The following DES variants were observed in gnomAD, a reference collection of about 807,000 sequenced individuals.
DES encodes the protein cardiomyopathy, dilated 1F (autosomal dominant).
In DES, 34 loss-of-function variants were observed where a neutral mutation model predicts 55.1. The ratio of observed to expected loss-of-function variants is 0.62; its 90% confidence interval spans 0.47 to 0.82. The LOEUF is 0.82. Among genes scored for constraint, DES ranks in the 40% least tolerant of loss-of-function variants. The probability of loss-of-function intolerance (pLI) is 0.00; values close to 1 mark genes in which losing one functional copy is unlikely to be tolerated. For synonymous variants in DES, 259 were observed against 270.8 expected (o/e 0.96, Z 0.43); for missense variants, 596 against 645.9 (o/e 0.92, Z 0.84).
chr2:219,421,323 T>A lies in DES; in HGVS notation c.1024-17T>A, dbSNP rs756252550. The A allele has an allele frequency of 1.9e-6, 3 of 1,613,782 alleles. No homozygotes were observed. Among genetic ancestry groups the A allele is most frequent in the Non-Finnish European group, 2.5e-6 (3 of 1,179,764 alleles). ...GTCCTCTTCCCTTCCTTGACCTGGGTTCCCCCTCTCCTGCAGAACGATTCC... is the reference window on the plus strand; with the variant it reads ...GTCCTCTTCCCTTCCTTGACCTGGGATCCCCCTCTCCTGCAGAACGATTCC... On this transcript the variant is annotated splice_polypyrimidine_tract_variant and intron_variant, in intron 5 of 8. Coordinates refer to ENST00000373960, the MANE Select transcript of DES (RefSeq NM_001927.4).
chr2:219,422,358 A>G (rs1954460700), intron 6 of DES, among the ~76,000 whole-genome samples: 1 of 152,114 alleles, frequency 6.6e-6, no homozygotes, highest in African/African-American at 2.4e-5. Context: ...GGAGGAAAAG[A>G]CACAGACGTC....
Position 219,418,944 on chromosome 2 carries a change from A to C in DES, c.482A>C (p.Glu161Ala). The C allele has an allele frequency of 6.4e-7, 1 of 1,556,918 alleles. No homozygotes were observed. The highest frequency in any genetic ancestry group is 8.7e-7 in the Non-Finnish European group (1 of 1,150,356). The change falls in exon 1 of 9, where the codon GAG becomes GCG. Residue 161 changes from glutamate to alanine, a missense_variant. Glu to Ala is a moderately radical substitution (Grantham distance 107). Coordinates refer to ENST00000373960, the MANE Select transcript of DES (RefSeq NM_001927.4). ...GAGCTCTACGAGGAGGAGCTGCGGG[A>C]GCTGCGGCGCCAGGTGGAGGTGCTC... is the stretch of plus-strand genomic sequence containing the variant. ...VAELYEEELR[E>A]LRRQVEVLTN... is the part of the protein sequence containing the mutation.
chr2:219,418,419 G>T lies in DES; in HGVS notation c.-44G>T, dbSNP rs184826121. On this transcript the variant is annotated 5_prime_UTR_variant, in exon 1 of 9. Transcript: ENST00000373960. ...CCACTCTCCGGCCGGCCGCCTGCCC[G>T]CCGCCTCCTCCGTGCGCCCGCCAGC... The T allele has an allele frequency of 1.3e-6, 2 of 1,529,318 alleles. No individual in the cohort carries two copies. Among genetic ancestry groups the T allele is most frequent in the South Asian group, 2.4e-5 (2 of 83,722 alleles). 94.7% of individuals were successfully genotyped at this position (1,529,318 alleles called of 1,614,324 possible). A position where few individuals can be genotyped will look rare whatever the true frequency, so the allele number is the denominator to read the frequency against.
chr2:219,425,324 TG>T, intron 7 of DES: 1 of 356,596 alleles, frequency 2.8e-6, no homozygotes, highest in Non-Finnish European at 5.4e-6. Context: ...TCCTGGGGCC[TG>T]GGGGTGGAGA....
chr2:219,420,239 G>A lies in DES; in HGVS notation c.640-12G>A, dbSNP rs1954409619. The A allele has an allele frequency of 6.2e-7, 1 of 1,614,032 alleles. No individual in the cohort carries two copies. The highest frequency in any genetic ancestry group is 8.5e-7 in the Non-Finnish European group (1 of 1,180,014). ...GGCGGTGACCATGTCCTTCTCGCTT[G>A]GCCTCTCCCAGGACGTGGATGCAGC... On this transcript the variant is annotated splice_polypyrimidine_tract_variant and intron_variant, in intron 2 of 8. Transcript: ENST00000373960. This position sits in a 1 kb window ranked among gnomAD's most constrained non-coding sequence, Gnocchi z 6.0.
chr2:219,425,482 C>G (rs905510472), intron 7 of DES, 181 bp from the exon 8 acceptor site: 11 of 638,998 alleles, frequency 1.7e-5, no homozygotes, highest in Non-Finnish European at 3.1e-5. Flanking sequence ...ACTGCAGAAC[C>G]ACCTGCTGGG....
At position 219,420,002 on chromosome 2, in the gene DES, C is replaced by T; in HGVS notation, c.579-93C>T. On this transcript the variant is annotated intron_variant, in intron 1 of 8. Coordinates refer to ENST00000373960, the MANE Select transcript of DES (RefSeq NM_001927.4). This position sits in a 1 kb window ranked among gnomAD's most constrained non-coding sequence, Gnocchi z 6.0. ...CAGCAGCCAGGCCCTCCCGCTCTGT[C>T]CTGGACCCACCCCCTGGTCAGCCCC... 7.2e-7 allele frequency: 1 copy of T among 1,392,112 alleles called. No homozygotes were observed. Among genetic ancestry groups the T allele is most frequent in the Non-Finnish European group, 1.0e-6 (1 of 980,576 alleles). 86.2% of individuals were successfully genotyped at this position (1,392,112 alleles called of 1,614,324 possible).
Position 219,418,713 on chromosome 2 carries a change from G to C in DES, c.251G>C (p.Gly84Ala). The C allele has an allele frequency of 6.4e-7, 1 of 1,564,262 alleles. No individual in the cohort carries two copies. Among genetic ancestry groups the C allele is most frequent in the Non-Finnish European group, 8.7e-7 (1 of 1,154,110 alleles). ...ACCACCCGCACGCCCTCCTCCTACGGCGCAGGCGAGCTGCTGGACTTCTCA... is the reference window on the plus strand; with the variant it reads ...ACCACCCGCACGCCCTCCTCCTACGCCGCAGGCGAGCTGCTGGACTTCTCA... ...LGTTRTPSSY[G>A]AGELLDFSLA... Residue 84 changes from glycine (G) to alanine (A), a missense_variant, in exon 1 of 9, where the codon GGC becomes GCC. Transcript: ENST00000373960.
intron 6 of DES, 114 bp downstream of exon 6, chr2:219,421,674 T>C: frequency 9.5e-7 from 1 of 1,050,168 alleles, no homozygotes; most frequent in Non-Finnish European, 1.4e-6. Context: ...AAACAATTTT[T>C]TTTTTTTTTG....
In DES at chr2:219,420,613, C is replaced by T. The variant is rs1368507241; in HGVS notation, c.854C>T (p.Ala285Val). The T allele has an allele frequency of 2.5e-6, 4 of 1,613,880 alleles. No homozygotes were observed. The highest frequency in any genetic ancestry group is 1.3e-5 in the African/African-American group (1 of 74,844). The change falls in exon 4 of 9, where the codon GCG becomes GTG. Residue 285 changes from alanine to valine, a missense_variant. Transcript: ENST00000373960. The surrounding 1 kb of genome is among the most constrained non-coding windows in gnomAD (Gnocchi z 6.0). Reference protein sequence around the residue: ...RDIRAQYETIAAKNISEAEEW... With the variant: ...RDIRAQYETIVAKNISEAEEW... ...ATCCGGGCTCAGTATGAGACCATCG[C>T]GGCTAAGAACATTTCTGAAGCTGAG...
At position 219,419,137 on chromosome 2, in the gene DES, CG is replaced by C. The variant is rs1431766980; in HGVS notation, c.578+101del. 4 of 1,529,456 alleles carry C rather than the reference CG, an allele frequency of 2.6e-6. No homozygotes were observed. The highest frequency in any genetic ancestry group is 1.4e-5 in the African/African-American group (1 of 72,840). The allele number at this position is 1,529,456 out of a possible 1,614,324, so 94.7% of individuals were successfully genotyped here. On this transcript the variant is annotated intron_variant, in intron 1 of 8. Coordinates refer to ENST00000373960, the MANE Select transcript of DES (RefSeq NM_001927.4). The surrounding 1 kb of genome is among the most constrained non-coding windows in gnomAD (Gnocchi z 4.3). ...CCCGCTGTCAGCACCTGCCTTCTCC[CG>C]GGGCCCGGGACCCTCTCCTGCCCCA...
In DES at chr2:219,420,608, C is replaced by G; in HGVS notation, c.849C>G (p.Thr283=). ...ALRDIRAQYE[T]IAAKNISEAE... ...GGGACATCCGGGCTCAGTATGAGAC[C>G]ATCGCGGCTAAGAACATTTCTGAAG... Residue 283 remains threonine (T), a synonymous_variant, in exon 4 of 9, where the codon ACC becomes ACG. Coordinates refer to ENST00000373960, the MANE Select transcript of DES (RefSeq NM_001927.4). The surrounding 1 kb of genome is among the most constrained non-coding windows in gnomAD (Gnocchi z 6.0). The G allele has an allele frequency of 6.2e-7, 1 of 1,614,000 alleles. No individual in the cohort carries two copies. The highest frequency in any genetic ancestry group is 8.5e-7 in the Non-Finnish European group (1 of 1,180,010).
chr2:219,425,537 G>A, intron 7 of DES, 126 bp from the exon 8 acceptor site: 1 of 806,294 alleles, frequency 1.2e-6, no homozygotes, highest in Non-Finnish European at 2.1e-6. Flanking sequence ...GAAGTAACAA[G>A]CCTGTCTTGA....
chr2:219,421,389 G>T lies in DES; in HGVS notation c.1073G>T (p.Ser358Ile). The T allele has an allele frequency of 6.2e-7, 1 of 1,614,134 alleles. No homozygotes were observed. Among genetic ancestry groups the T allele is most frequent in the Non-Finnish European group, 8.5e-7 (1 of 1,180,034 alleles). The part of the protein sequence containing the change: ...QMRELEDRFA[S>I]EASGYQDNIA... The stretch of plus-strand genomic sequence containing the variant: ...CGGGAATTGGAGGACCGATTTGCCA[G>T]TGAGGCCAGTGGCTACCAGGACAAC... Residue 358 changes from serine (S) to isoleucine (I), a missense_variant, in exon 6 of 9, where the codon AGT becomes ATT. By Grantham distance (142) the Ser-to-Ile change is moderately radical. Coordinates refer to ENST00000373960, the MANE Select transcript of DES (RefSeq NM_001927.4).
rs1406795636 is a variant in DES, at chr2:219,418,776, G to A, written c.314G>A (p.Arg105His). 2 of 1,563,408 alleles carry A rather than the reference G, an allele frequency of 1.3e-6. No homozygotes were observed. Among genetic ancestry groups the A allele is most frequent in the African/African-American group, 1.4e-5 (1 of 73,866 alleles). The change falls in exon 1 of 9, where the codon CGC becomes CAC. Residue 105 changes from arginine to histidine, a missense_variant. Arg to His is a conservative substitution (Grantham distance 29). Transcript: ENST00000373960. ...DAVNQEFLTT[R>H]TNEKVELQEL... ...GTGAACCAGGAGTTTCTGACCACGC[G>A]CACCAACGAGAAGGTGGAGCTGCAG...
chr2:219,422,803 C>T (rs1954469581), intron 6 of DES, among the ~76,000 whole-genome samples: 1 of 152,128 alleles, frequency 6.6e-6, no homozygotes, highest in Non-Finnish European at 1.5e-5. Flanking sequence ...CTGGTAGTTA[C>T]ACAGACGTGG....
rs1208102229 is a variant in DES at position 219,419,305 on chromosome 2, C to T, written c.578+265C>T. On this transcript the variant is annotated intron_variant, in intron 1 of 8. Coordinates refer to ENST00000373960, the MANE Select transcript of DES (RefSeq NM_001927.4). The surrounding 1 kb of genome is among the most constrained non-coding windows in gnomAD (Gnocchi z 4.3). Reference sequence around the variant, plus strand: ...ATGGGAGAATTTAGGGGACCCGGTGCCCTGTGGACAGCCCCGTTAAAAAGC... The same window carrying T: ...ATGGGAGAATTTAGGGGACCCGGTGTCCTGTGGACAGCCCCGTTAAAAAGC... Among the ~76,000 whole-genome samples, 2 of 152,176 alleles carry T rather than the reference C, an allele frequency of 1.3e-5. No homozygotes were observed. Among genetic ancestry groups the T allele is most frequent in the Non-Finnish European group, 2.9e-5 (2 of 68,040 alleles).
At position 219,419,020 on chromosome 2, in the gene DES, C is replaced by G. The variant is rs1575013561; in HGVS notation, c.558C>G (p.Asp186Glu). Reference sequence around the variant, plus strand: ...TCGAGCGCGACAACCTGCTCGACGACCTGCAGCGGCTCAAGGCCAAGTGAG... The same window carrying G: ...TCGAGCGCGACAACCTGCTCGACGAGCTGCAGCGGCTCAAGGCCAAGTGAG... ...VDVERDNLLD[D>E]LQRLKAKLQE... Residue 186 changes from aspartate (D) to glutamate (E), a missense_variant, in exon 1 of 9, where the codon GAC becomes GAG. Coordinates refer to ENST00000373960, the MANE Select transcript of DES (RefSeq NM_001927.4). The surrounding 1 kb of genome is among the most constrained non-coding windows in gnomAD (Gnocchi z 4.3). 2 of 1,543,710 alleles carry G rather than the reference C, an allele frequency of 1.3e-6. No individual in the cohort carries two copies. Among genetic ancestry groups the G allele is most frequent in the Non-Finnish European group, 1.7e-6 (2 of 1,147,174 alleles).
chr2:219,420,723 TG>T lies in DES; in HGVS notation c.897+69del. Reference sequence around the variant, plus strand: ...AATCCCAGCTTGGATGTGCTGCCTGTGGTACCATCCATGGGAGGAGAGCCCA... The same window carrying T: ...AATCCCAGCTTGGATGTGCTGCCTGTGTACCATCCATGGGAGGAGAGCCCA... On this transcript the variant is annotated intron_variant, in intron 4 of 8. Coordinates refer to ENST00000373960, the MANE Select transcript of DES (RefSeq NM_001927.4). The surrounding 1 kb of genome is among the most constrained non-coding windows in gnomAD (Gnocchi z 6.0). The T allele has an allele frequency of 6.2e-7, 1 of 1,613,450 alleles. No individual in the cohort carries two copies. The highest frequency in any genetic ancestry group is 2.2e-5 in the East Asian group (1 of 44,872).
Sources: allele counts gnomAD v4.1 joint callset (sites outside exome capture counted in the v4.1 genomes callset), GRCh38; gene constraint gnomAD v4.1.1; non-coding constraint Gnocchi (gnomAD v3.1); transcripts MANE v1.5; gene names NCBI Gene and HGNC (gene_info 2026-07-23, HGNC 2026-07-21).